NFIB: variants seen among roughly 807,000 people sequenced by gnomAD.
NFIB encodes the protein nuclear factor I B, also known as nuclear factor 1 B-type.
NFIB carries 11 observed loss-of-function variants against 61.5 expected under a neutral mutation model. The observed-to-expected ratio is 0.18, with a 90% CI of 0.11 to 0.30. The LOEUF (loss-of-function observed/expected upper bound fraction) is 0.30, where lower values mean the gene tolerates loss of function less well. Ranked by LOEUF, NFIB falls within the 10% of genes least tolerant of loss-of-function variation. The pLI is 1.00. For synonymous variants in NFIB, 260 were observed against 216.5 expected (o/e 1.20, Z -1.76); for missense variants, 471 against 608.9 (o/e 0.77, Z 2.38).
chr9:14,137,555 C>A (rs897778986), intron 6 of NFIB, among the ~76,000 whole-genome samples: 1 of 152,034 alleles, frequency 6.6e-6, no homozygotes, highest in African/African-American at 2.4e-5. Context: ...TCTTAGTATA[C>A]AACTTTGTTA....
the NFIB span, among the ~76,000 whole-genome samples, chr9:14,529,395 T>C: frequency 2.0e-5 from 3 of 152,118 alleles, no homozygotes; most frequent in Non-Finnish European, 4.4e-5. Flanking sequence ...AAGGACACAA[T>C]ATCCTTTCTT....
the NFIB span, among the ~76,000 whole-genome samples, chr9:14,458,772 T>C: frequency 3.9e-5 from 6 of 151,992 alleles, no homozygotes; most frequent in African/African-American, 1.4e-4. Flanking sequence ...TCACAATTGC[T>C]TCAAAGAGAA....
chr9:14,482,307 A>G, the NFIB span, among the ~76,000 whole-genome samples: 1 of 152,206 alleles, frequency 6.6e-6, no homozygotes, highest in East Asian at 1.9e-4. Flanking sequence ...TTAGCCATAA[A>G]ATCATCATGC....
intron 10 of NFIB, among the ~76,000 whole-genome samples, chr9:14,109,284 T>A (rs1400707351): frequency 3.9e-5 from 6 of 152,090 alleles, no homozygotes; most frequent in Admixed American, 2.6e-4. Context: ...AGATAAAATT[T>A]GGGAAACGTG....
intron 10 of NFIB, chr9:14,096,783 T>C (rs1331069907): frequency 6.6e-6 from 1 of 152,204 alleles, no homozygotes. Context: ...TTCTCTCAAG[T>C]ACGCTTCAAG....
At chr9:14,434,205 C>G in the NFIB span, among the ~76,000 whole-genome samples, 85 of 152,310 alleles carry the variant, frequency 5.6e-4, 1 homozygote, top group Admixed American at 2.0e-3. Context: ...GCATTGTCTT[C>G]TGGGCTGATT....
intron 1 of NFIB, among the ~76,000 whole-genome samples, chr9:14,395,324 T>C (rs11999028): frequency 0.07 from 9,641 of 137,302 alleles, 469 homozygotes; most frequent in East Asian, 0.2. Context: ...AAAAAAAACC[T>C]AAAAAAAAAA....
intron 2 of NFIB, among the ~76,000 whole-genome samples, chr9:14,255,921 C>A (rs549011811): frequency 6.6e-6 from 1 of 152,292 alleles, no homozygotes; most frequent in African/African-American, 2.4e-5. Context: ...CGCAAAACAC[C>A]ATGCTAGCAT....
intron 1 of NFIB, among the ~76,000 whole-genome samples, chr9:14,351,412 G>C (rs59265274): frequency 0.011 from 1,677 of 152,240 alleles, 28 homozygotes; most frequent in African/African-American, 0.039. Context: ...AGGGCTGGCT[G>C]TGTCCGGGCC....
chr9:14,125,373 G>C (rs995913912), intron 7 of NFIB, among the ~76,000 whole-genome samples: 22 of 152,246 alleles, frequency 1.4e-4, no homozygotes, highest in African/African-American at 5.1e-4. Flanking sequence ...GGTCAGGCTA[G>C]TCTTGAACAC....
chr9:14,423,734 T>C, the NFIB span, among the ~76,000 whole-genome samples: 1 of 152,238 alleles, frequency 6.6e-6, no homozygotes, highest in Non-Finnish European at 1.5e-5. Context: ...TGGCCAGAAC[T>C]TTCCTGTTGA....
chr9:14,311,982 T>C (rs2060301536), intron 1 of NFIB, among the ~76,000 whole-genome samples: 1 of 152,228 alleles, frequency 6.6e-6, no homozygotes, highest in African/African-American at 2.4e-5. Context: ...AACAGTTTCA[T>C]CATATTTATT....
chr9:14,266,498 G>A (rs755572985), intron 2 of NFIB, among the ~76,000 whole-genome samples: 11 of 152,082 alleles, frequency 7.2e-5, no homozygotes, highest in Non-Finnish European at 1.3e-4. Flanking sequence ...AGGAGGCTGA[G>A]GCAGGAGGAT....
chr9:14,438,002 C>A, the NFIB span, among the ~76,000 whole-genome samples: 1 of 134,322 alleles, frequency 7.4e-6, no homozygotes, highest in Non-Finnish European at 1.6e-5. Context: ...AGAACACCAC[C>A]CCCATCCTAG....
intron 2 of NFIB, among the ~76,000 whole-genome samples, chr9:14,226,788 T>G (rs1267892744): frequency 6.6e-6 from 1 of 152,108 alleles, no homozygotes; most frequent in African/African-American, 2.4e-5. Flanking sequence ...TTGTTTGGAT[T>G]CCAAATGGTT....
intron 2 of NFIB, among the ~76,000 whole-genome samples, chr9:14,288,266 G>C (rs1464443266): frequency 6.6e-6 from 1 of 151,898 alleles, no homozygotes; most frequent in African/African-American, 2.4e-5. Flanking sequence ...ATGTGTATAG[G>C]ACATACACTG....
chr9:14,415,196 T>C, the NFIB span, among the ~76,000 whole-genome samples: 4 of 152,212 alleles, frequency 2.6e-5, no homozygotes, highest in Admixed American at 2.6e-4. Flanking sequence ...CCCCACTTTC[T>C]TGCTGGCTAT....
At chr9:14,286,752 T>C (rs1469563491) in intron 2 of NFIB, among the ~76,000 whole-genome samples, 1 of 151,392 alleles carries the variant, frequency 6.6e-6, no homozygotes, top group Non-Finnish European at 1.5e-5. Context: ...GCCTGATACA[T>C]AGTAGGTGCT....
intron 2 of NFIB, among the ~76,000 whole-genome samples, chr9:14,211,662 T>A (rs2050318640): frequency 6.6e-6 from 1 of 152,166 alleles, no homozygotes; most frequent in Non-Finnish European, 1.5e-5. Flanking sequence ...GGCCAGAAGT[T>A]TACCCGTTTA....
Sources: gnomAD v4.1 joint callset for allele counts (sites outside exome capture counted in the v4.1 genomes callset) on GRCh38, gnomAD v4.1.1 for gene constraint, MANE v1.5 for transcripts, NCBI Gene and HGNC (gene_info 2026-07-23, HGNC 2026-07-21) for gene names.